The following LACTB2 variants were observed in gnomAD, a reference collection of about 807,000 sequenced individuals.
LACTB2 encodes endoribonuclease LACTB2.
Under a neutral mutation model 34.8 loss-of-function variants are expected in LACTB2, and 32 were observed. The ratio of observed to expected loss-of-function variants is 0.92; its 90% CI spans 0.69 to 1.24. LACTB2 has a LOEUF of 1.24. Among genes scored for constraint, LACTB2 ranks in the 50% most tolerant of loss-of-function variants. The pLI is 0.00. For missense variants in LACTB2, 320 were observed against 345.0 expected (o/e 0.93, Z 0.57); for synonymous variants, 120 against 117.5 (o/e 1.02, Z -0.14).
rs1818565731 is a variant in LACTB2, at chr8:70,668,398, GGT to G, written c.122+599_122+600del. 2.0e-5 allele frequency among the ~76,000 whole-genome samples: 3 copies of G among 152,158 alleles called. No homozygotes were observed. In the South Asian group the frequency reaches 6.2e-4, roughly 31 times the overall value. On this transcript the variant is annotated intron_variant, in intron 1 of 6. Transcript: ENST00000276590. ...GCAAAAGTATCTTCTTAGAAATACAGGTGTGTTACTGTGTCTGCAAATTAAAC... is the reference window on the plus strand; with the variant it reads ...GCAAAAGTATCTTCTTAGAAATACAGGTGTTACTGTGTCTGCAAATTAAAC...
intron 3 of LACTB2, chr8:70,652,782 A>G (rs1818359293): frequency 6.6e-6 from 1 of 152,200 alleles, no homozygotes; most frequent in African/African-American, 2.4e-5. Context: ...TATATATTAT[A>G]CTTTGATAAG....
At chr8:70,653,111 GCT>G (rs1317878968) in intron 3 of LACTB2, among the ~76,000 whole-genome samples, 2 of 152,100 alleles carry the variant, frequency 1.3e-5, no homozygotes, top group East Asian at 3.9e-4. Context: ...ATATTTTCTT[GCT>G]CTTTCTTACT....
In LACTB2 at chr8:70,644,101, C is replaced by T; in HGVS notation, c.556G>A (p.Glu186Lys). Residue 186 changes from glutamate (E) to lysine (K), a missense_variant, in exon 4 of 7, where the codon GAG becomes AAG. Transcript: ENST00000276590. The part of the protein sequence containing the change: ...DLYDYMNSLK[E>K]LLKIKADIIY... ...ATATCAGCTTTGATTTTCAATAACT[C>T]TTTTAAAGAGTTCATATAATCATAG... The T allele has an allele frequency of 3.7e-6, 6 of 1,600,566 alleles. No homozygotes were observed. Among genetic ancestry groups the T allele is most frequent in the Non-Finnish European group, 5.1e-6 (6 of 1,174,822 alleles).
chr8:70,662,112 GAAT>G, intron 1 of LACTB2: 1 of 399,324 alleles, frequency 2.5e-6, no homozygotes, highest in Non-Finnish European at 4.5e-6. Context: ...TCTGAACAAG[GAAT>G]AATAGCAGTC....
At chr8:70,641,350 C>T (rs2132068227) in intron 4 of LACTB2, among the ~76,000 whole-genome samples, 1 of 152,110 alleles carries the variant, frequency 6.6e-6, no homozygotes, top group African/African-American at 2.4e-5. Flanking sequence ...ACAATAATAA[C>T]AATAGGTAAT....
In LACTB2 at chr8:70,638,555, T is replaced by C; in HGVS notation, c.816A>G (p.Gly272=). Residue 272 remains glycine, a synonymous_variant, in exon 6 of 7, where the codon GGA becomes GGG. Coordinates refer to ENST00000276590, the MANE Select transcript of LACTB2 (RefSeq NM_016027.3). ...ATTTGGAAGCATACTCACATATTTT[T>C]CCTTCTTTTTCTAGTTTTTTCAAAT... ...LLHLKKLEKE[G]KIFSNTDPDK... 6.6e-7 allele frequency: 1 copy of C among 1,525,468 alleles called. No individual in the cohort carries two copies. Among genetic ancestry groups the C allele is most frequent in the Non-Finnish European group, 8.8e-7 (1 of 1,137,658 alleles). The allele number at this position is 1,525,468 out of a possible 1,614,324, so 94.5% of individuals were successfully genotyped here.
Position 70,669,000 on chromosome 8 carries a change from T to C in LACTB2, c.121A>G (p.Arg41Gly), listed in dbSNP as rs1208622142. The change falls in exon 1 of 7, where the codon AGG becomes GGG. Residue 41 changes from arginine (R) to glycine (G), a missense_variant and splice_region_variant. Physicochemically the swap from Arg to Gly is moderately radical, Grantham distance 125. Coordinates refer to ENST00000276590, the MANE Select transcript of LACTB2 (RefSeq NM_016027.3). Reference protein sequence around the residue: ...TNTYLVGTGPRRILIDTGEPA... With the variant: ...TNTYLVGTGPGRILIDTGEPA... ...GGGAGGTTGGAGAGGGACGTTTACCTGGGGCCGGTCCCCACTAGGTAGGTG... is the reference window on the plus strand; with the variant it reads ...GGGAGGTTGGAGAGGGACGTTTACCCGGGGCCGGTCCCCACTAGGTAGGTG... The C allele has an allele frequency of 6.3e-7, 1 of 1,585,528 alleles. No homozygotes were observed.
At chr8:70,661,421 C>T (rs1051248094) in intron 2 of LACTB2, 10 of 282,304 alleles carry the variant, frequency 3.5e-5, no homozygotes, top group Non-Finnish European at 6.8e-5. Flanking sequence ...ACCTACCTCA[C>T]AGTATCCACA....
chr8:70,662,056 C>T (rs1818487139), intron 1 of LACTB2, 159 bp from the exon 2 acceptor site: 2 of 558,016 alleles, frequency 3.6e-6, no homozygotes, highest in East Asian at 6.2e-5. Context: ...CTACAGTAAT[C>T]TCACCCTAAG....
rs767099158 is a variant in LACTB2 at position 70,641,035 on chromosome 8, A to G, written c.608T>C (p.Ile203Thr). 1 of 1,602,164 alleles carries G rather than the reference A, an allele frequency of 6.2e-7. No individual in the cohort carries two copies. The highest frequency in any genetic ancestry group is 8.5e-7 in the Non-Finnish European group (1 of 1,176,570). The change falls in exon 5 of 7, where the codon ATT becomes ACT. Residue 203 changes from isoleucine (I) to threonine (T), a missense_variant. Physicochemically the swap from Ile to Thr is moderately conservative, Grantham distance 89 (BLOSUM62 -1). Coordinates refer to ENST00000276590, the MANE Select transcript of LACTB2 (RefSeq NM_016027.3). ...DIIYPGHGPV[I>T]HNAEAKIQQY... is the part of the protein sequence containing the mutation. ...TTGAATTTTAGCTTCAGCATTATGAATTACTGGGCCATGTCCTGAATTAAA... is the reference window on the plus strand; with the variant it reads ...TTGAATTTTAGCTTCAGCATTATGAGTTACTGGGCCATGTCCTGAATTAAA...
In LACTB2 at chr8:70,661,752, A is replaced by T; in HGVS notation, c.268T>A (p.Cys90Ser). 1 of 1,609,020 alleles carries T rather than the reference A, an allele frequency of 6.2e-7. No individual in the cohort carries two copies. Among genetic ancestry groups the T allele is most frequent in the Non-Finnish European group, 8.5e-7 (1 of 1,178,794 alleles). ...TGTTTACCATTATTGATGCTTTTAC[A>T]AATATCTCCTATGCCTCCAGAATGA... Reference protein sequence around the residue: ...RDHSGGIGDICKSINNDTTYC... With the variant: ...RDHSGGIGDISKSINNDTTYC... Residue 90 changes from cysteine (C) to serine (S), a missense_variant, in exon 2 of 7, where the codon TGT becomes AGT. Coordinates refer to ENST00000276590, the MANE Select transcript of LACTB2 (RefSeq NM_016027.3).
chr8:70,640,730 G>C, intron 5 of LACTB2, 172 bp downstream of exon 5: 1 of 679,044 alleles, frequency 1.5e-6, no homozygotes, highest in Middle Eastern at 4.7e-4. Flanking sequence ...TGTTCTCTAA[G>C]GCCAGTTTTT....
chr8:70,662,187 T>C, intron 1 of LACTB2: 1 of 220,510 alleles, frequency 4.5e-6, no homozygotes, highest in Non-Finnish European at 8.9e-6. Flanking sequence ...CTTTACATAT[T>C]TTACCAATTA....
intron 3 of LACTB2, among the ~76,000 whole-genome samples, chr8:70,652,092 G>C (rs1818350453): frequency 2.0e-5 from 3 of 151,700 alleles, no homozygotes; most frequent in African/African-American, 7.3e-5. Context: ...TTACTGCAAG[G>C]GTTCTTGGTG....
chr8:70,668,988 G>C lies in LACTB2; in HGVS notation c.122+11C>G, dbSNP rs765403731. On this transcript the variant is annotated intron_variant, in intron 1 of 6. Transcript: ENST00000276590. ...CTGCGAACGTTGGGGAGGTTGGAGA[G>C]GGACGTTTACCTGGGGCCGGTCCCC... 1.9e-6 allele frequency: 3 copies of C among 1,575,826 alleles called. No individual in the cohort carries two copies. The highest frequency in any genetic ancestry group is 1.3e-5 in the African/African-American group (1 of 74,322).
intron 1 of LACTB2, among the ~76,000 whole-genome samples, chr8:70,668,070 GC>G (rs1218714125): frequency 6.6e-6 from 1 of 152,108 alleles, no homozygotes; most frequent in African/African-American, 2.4e-5. Context: ...TCTTTTACCT[GC>G]CCACTTTGCA....
intron 3 of LACTB2, among the ~76,000 whole-genome samples, chr8:70,647,692 C>A (rs191372285): frequency 5.9e-5 from 9 of 152,278 alleles, no homozygotes; most frequent in Non-Finnish European, 1.2e-4. Context: ...GCAGGGAAAG[C>A]TGAGAACCAA....
At chr8:70,643,051 C>T (rs1372569427) in intron 4 of LACTB2, among the ~76,000 whole-genome samples, 1 of 151,974 alleles carries the variant, frequency 6.6e-6, no homozygotes, top group African/African-American at 2.4e-5. Flanking sequence ...AAAACATTTT[C>T]CCATTTCAAT....
rs768333912 is a variant in LACTB2 at position 70,657,836 on chromosome 8, TTCTC to T, written c.329_332del (p.Arg110LysfsTer4). The stretch of plus-strand genomic sequence containing the variant: ...GTTGCTCTCCATTTCCTATAATTTC[TTCTC>T]TCTGAGGATTCCGTGGGAGTTTTTT... On this transcript the variant is annotated frameshift_variant, in exon 3 of 7. Transcript: ENST00000276590. LOFTEE classifies it high-confidence loss of function. 25 of 1,610,874 alleles carry T rather than the reference TTCTC, an allele frequency of 1.6e-5. 1 individual carries two copies. The highest frequency in any genetic ancestry group is 1.3e-4 in the African/African-American group (10 of 74,866).
Sources: allele counts gnomAD v4.1 joint callset (sites outside exome capture counted in the v4.1 genomes callset), GRCh38; gene constraint gnomAD v4.1.1; transcripts MANE v1.5; gene names NCBI Gene and HGNC (gene_info 2026-07-23, HGNC 2026-07-21).